Variants in ZNF469 observed in about 807,000 individuals in gnomAD.
ZNF469 encodes zinc finger protein 469.
In ZNF469, 1 loss-of-function variant was observed where a neutral mutation model predicts 1.0. The ratio of observed to expected loss-of-function variants is 1.00; its 90% CI spans 0.35 to 4.73. The LOEUF is 4.73. ZNF469 is among the 30% of genes most tolerant of loss of function. The pLI is 0.16. For synonymous variants in ZNF469, 2,703 were observed against 2,363.4 expected (o/e 1.14, Z -4.17); for missense variants, 6,100 against 5,356.3 (o/e 1.14, Z -4.33).
the ZNF469 span, among the ~76,000 whole-genome samples, chr16:88,152,718 T>C: frequency 1.3e-5 from 2 of 152,120 alleles, no homozygotes; most frequent in Non-Finnish European, 2.9e-5. This position sits in a 1 kb window ranked among gnomAD's most constrained non-coding sequence, Gnocchi z 4.2. Flanking sequence ...GTAAATCACT[T>C]CCCTCTCTTC....
At position 88,429,033 on chromosome 16, in the gene ZNF469, G is replaced by A. The variant is rs1025580206; in HGVS notation, c.1563G>A (p.Leu521=). 10 of 1,549,586 alleles carry A rather than the reference G, an allele frequency of 6.5e-6. No homozygotes were observed. The highest frequency in any genetic ancestry group is 5.2e-6 in the Non-Finnish European group (6 of 1,146,810). The change falls in exon 3 of 3, where the codon CTG becomes CTA. Residue 521 remains leucine, a synonymous_variant. Transcript: ENST00000565624. The part of the protein sequence containing the change: ...PEWQGGSQGA[L]GTAGKTPGPR... ...GGCAGGGGGGCAGCCAAGGAGCCCT[G>A]GGCACTGCTGGCAAGACACCGGGAC...
the ZNF469 span, among the ~76,000 whole-genome samples, chr16:88,279,429 T>C: frequency 6.7e-6 from 1 of 149,604 alleles, no homozygotes; most frequent in African/African-American, 2.5e-5. Flanking sequence ...TGACACTCGG[T>C]CAGTACCATG....
At chr16:88,396,180 T>C (rs571288616) in intron 1 of ZNF469, among the ~76,000 whole-genome samples, 2 of 152,342 alleles carry the variant, frequency 1.3e-5, no homozygotes, top group Non-Finnish European at 2.9e-5. Flanking sequence ...TAGAACACAA[T>C]AGAGAATTTC....
At chr16:88,243,949 T>TATATAA in the ZNF469 span, among the ~76,000 whole-genome samples, 4,744 of 93,760 alleles carry the variant, frequency 0.051, 708 homozygotes, top group Non-Finnish European at 0.084. Context: ...TATATATATA[T>TATATAA]ATAAATGTAT....
At chr16:88,322,754 C>T in the ZNF469 span, among the ~76,000 whole-genome samples, 1 of 152,214 alleles carries the variant, frequency 6.6e-6, no homozygotes, top group Non-Finnish European at 1.5e-5. Context: ...ATAACCACTC[C>T]AGGCCCTCCC....
the ZNF469 span, among the ~76,000 whole-genome samples, chr16:88,363,911 T>C: frequency 1.3e-5 from 2 of 152,230 alleles, no homozygotes; most frequent in Non-Finnish European, 2.9e-5. Context: ...AGTTGGCCAT[T>C]AGCAGGAACA....
upstream of ZNF469, among the ~76,000 whole-genome samples, chr16:88,381,166 C>T (rs1273700056): frequency 1.1e-5 from 1 of 93,350 alleles, no homozygotes; most frequent in Non-Finnish European, 2.1e-5. Flanking sequence ...ACAGACACGC[C>T]CTCACACACA....
chr16:88,289,350 G>C, the ZNF469 span, among the ~76,000 whole-genome samples: 5 of 151,594 alleles, frequency 3.3e-5, no homozygotes, highest in Non-Finnish European at 7.4e-5. Flanking sequence ...TGATGAGGGT[G>C]TTGATGAGGG....
At chr16:88,157,620 G>A in the ZNF469 span, among the ~76,000 whole-genome samples, 1 of 152,018 alleles carries the variant, frequency 6.6e-6, no homozygotes, top group Non-Finnish European at 1.5e-5. Flanking sequence ...CCTCTCAGGG[G>A]CTGGAAGTGC....
the ZNF469 span, among the ~76,000 whole-genome samples, chr16:88,376,926 G>T: frequency 6.6e-6 from 1 of 152,190 alleles, no homozygotes; most frequent in Non-Finnish European, 1.5e-5. Context: ...AGGCCCCCGA[G>T]GGCCCAGCCT....
the ZNF469 span, among the ~76,000 whole-genome samples, chr16:88,110,350 T>G: frequency 2.6e-5 from 4 of 152,228 alleles, no homozygotes; most frequent in African/African-American, 9.6e-5. Flanking sequence ...CTTGGAGAAT[T>G]CTGCTCCCGC....
At chr16:88,426,826 G>T (rs2142295870) in intron 2 of ZNF469, among the ~76,000 whole-genome samples, 1 of 152,230 alleles carries the variant, frequency 6.6e-6, no homozygotes, top group South Asian at 2.1e-4. Context: ...AGAGGTTCAG[G>T]TTGAGCCTCT....
the ZNF469 span, among the ~76,000 whole-genome samples, chr16:88,193,174 A>ATGGTGTTGATGGTGG: frequency 2.0e-4 from 1 of 5,092 alleles, no homozygotes; most frequent in Non-Finnish European, 4.0e-4. Context: ...GGTGGTGGGG[A>ATGGTGTTGATGGTGG]TGGTGGTGAT....
At chr16:88,280,271 C>T in the ZNF469 span, among the ~76,000 whole-genome samples, 43 of 151,352 alleles carry the variant, frequency 2.8e-4, no homozygotes, top group Non-Finnish European at 4.9e-4. Context: ...TATCAGTGCA[C>T]GGTTAGTGCT....
intron 1 of ZNF469, among the ~76,000 whole-genome samples, chr16:88,405,006 A>T (rs1050441705): frequency 3.3e-5 from 5 of 152,162 alleles, no homozygotes; most frequent in African/African-American, 1.2e-4. Context: ...AAACATCAGC[A>T]TGAGGATCCA....
chr16:88,346,299 C>T, the ZNF469 span, among the ~76,000 whole-genome samples: 2 of 152,180 alleles, frequency 1.3e-5, no homozygotes, highest in African/African-American at 4.8e-5. Flanking sequence ...CTGCTGACCA[C>T]GAGGCCCTGC....
intron 1 of ZNF469, among the ~76,000 whole-genome samples, chr16:88,386,073 G>A (rs1191662034): frequency 1.3e-5 from 2 of 152,160 alleles, no homozygotes; most frequent in African/African-American, 4.8e-5. Context: ...AAGCGGCCCG[G>A]TCCCGTGGAC....
At chr16:88,159,121 A>ATG in the ZNF469 span, among the ~76,000 whole-genome samples, 4 of 9,150 alleles carry the variant, frequency 4.4e-4, no homozygotes, top group African/African-American at 6.6e-4. Context: ...AGGGCTGTGC[A>ATG]GACCATTCTC....
At chr16:88,159,865 G>A in the ZNF469 span, among the ~76,000 whole-genome samples, 22 of 152,294 alleles carry the variant, frequency 1.4e-4, no homozygotes, top group African/African-American at 5.3e-4. Flanking sequence ...AGGGATAAGA[G>A]AGTGAGGACT....
Sources: allele counts gnomAD v4.1 joint callset (sites outside exome capture counted in the v4.1 genomes callset), GRCh38; gene constraint gnomAD v4.1.1; non-coding constraint Gnocchi (gnomAD v3.1); transcripts MANE v1.5; gene names NCBI Gene and HGNC (gene_info 2026-07-23, HGNC 2026-07-21).